The following GORASP2 variants were observed in gnomAD, a reference collection of about 807,000 sequenced individuals.
GORASP2 encodes the protein Golgi reassembly-stacking protein 2.
GORASP2 carries 22 observed loss-of-function variants against 45.7 expected under a neutral mutation model. The observed-to-expected ratio is 0.48, with a 90% CI of 0.34 to 0.69. The LOEUF (loss-of-function observed/expected upper bound fraction) is 0.69. GORASP2 is among the 30% of genes least tolerant of loss of function. The probability of loss-of-function intolerance (pLI) is 0.01; values close to 1 mark genes in which losing one functional copy is unlikely to be tolerated. For synonymous variants in GORASP2, 221 were observed against 215.6 expected (o/e 1.02, Z -0.22); for missense variants, 491 against 562.7 (o/e 0.87, Z 1.29).
intron 1 of GORASP2, among the ~76,000 whole-genome samples, chr2:170,941,635 T>C (rs970042684): frequency 6.6e-6 from 1 of 152,202 alleles, no homozygotes; most frequent in African/African-American, 2.4e-5. Flanking sequence ...AGGTACTCAT[T>C]TGTATCTGGC....
At position 170,965,899 on chromosome 2, in the gene GORASP2, T is replaced by C. The variant is rs145311095; in HGVS notation, c.1128T>C (p.Ser376=). ...TCCCCTTGGTTCCAGAGAGCTCTTCTGCAGCAAGCTCAGGAGAGCTGCTGT... is the reference window on the plus strand; with the variant it reads ...TCCCCTTGGTTCCAGAGAGCTCTTCCGCAGCAAGCTCAGGAGAGCTGCTGT... The part of the protein sequence containing the change: ...PSFPLVPESS[S]AASSGELLSS... Residue 376 remains serine, a synonymous_variant, in exon 10 of 10, where the codon TCT becomes TCC. Transcript: ENST00000234160. 3 of 1,613,866 alleles carry C rather than the reference T, an allele frequency of 1.9e-6. No individual in the cohort carries two copies. Among genetic ancestry groups the C allele is most frequent in the African/African-American group, 2.7e-5 (2 of 74,852 alleles).
intron 1 of GORASP2, among the ~76,000 whole-genome samples, chr2:170,945,247 G>A (rs1704156310): frequency 1.3e-5 from 2 of 152,096 alleles, no homozygotes; most frequent in Non-Finnish European, 2.9e-5. Flanking sequence ...GATCACTTGA[G>A]ACTAGGAGTT....
In GORASP2 at chr2:170,966,134, T is replaced by A. The variant is rs1704683758; in HGVS notation, c.*4T>A. The A allele has an allele frequency of 6.2e-7, 1 of 1,604,332 alleles. No individual in the cohort carries two copies. The highest frequency in any genetic ancestry group is 1.3e-5 in the African/African-American group (1 of 74,738). ...CAATGCTTCTGAGTCACCTTAACTT[T>A]GAACCATTCTTTGGAATTGGCGTGG... is the stretch of plus-strand genomic sequence containing the variant. On this transcript the variant is annotated 3_prime_UTR_variant, in exon 10 of 10. Transcript: ENST00000234160.
chr2:170,932,043 T>C (rs1040952928), intron 1 of GORASP2, among the ~76,000 whole-genome samples: 1 of 152,202 alleles, frequency 6.6e-6, no homozygotes, highest in Non-Finnish European at 1.5e-5. Flanking sequence ...CTGACCAACA[T>C]GGTGAAACCC....
intron 1 of GORASP2, among the ~76,000 whole-genome samples, chr2:170,938,164 T>C (rs1703997897): frequency 6.6e-6 from 1 of 152,268 alleles, no homozygotes; most frequent in South Asian, 2.1e-4. Flanking sequence ...AGATATTCCA[T>C]GTAAAGCACT....
rs368851791 is a variant in GORASP2, at chr2:170,946,888, C to T, written c.64-1462C>T. Among the ~76,000 whole-genome samples, 7 of 151,976 alleles carry T rather than the reference C, an allele frequency of 4.6e-5. No individual in the cohort carries two copies. In the East Asian group the frequency reaches 1.2e-3, roughly 25 times the overall value. ...CCGGGAGGTGGAGGTTGCAGTAAGCCGAGATTGTGTCACTGCACTCCAGCC... is the reference window on the plus strand; with the variant it reads ...CCGGGAGGTGGAGGTTGCAGTAAGCTGAGATTGTGTCACTGCACTCCAGCC... On this transcript the variant is annotated intron_variant, in intron 1 of 9. Transcript: ENST00000234160.
intron 4 of GORASP2, 139 bp downstream of exon 4, chr2:170,950,429 G>C (rs1704273839): frequency 2.0e-6 from 1 of 510,110 alleles, no homozygotes; most frequent in African/African-American, 2.0e-5. Context: ...AAGCCTCAGG[G>C]TGTTAAATGG....
intron 8 of GORASP2, among the ~76,000 whole-genome samples, chr2:170,962,317 T>C (rs763301206): frequency 8.5e-5 from 13 of 152,254 alleles, no homozygotes; most frequent in Non-Finnish European, 1.6e-4. Flanking sequence ...TATTAAGCCA[T>C]GAACCAAATG....
chr2:170,949,222 C>T (rs1042279089), intron 2 of GORASP2, among the ~76,000 whole-genome samples: 1 of 152,156 alleles, frequency 6.6e-6, no homozygotes, highest in East Asian at 1.9e-4. Flanking sequence ...ATCACAACTT[C>T]GTTAGTAATG....
intron 1 of GORASP2, among the ~76,000 whole-genome samples, chr2:170,943,244 G>GA: frequency 6.6e-6 from 1 of 151,982 alleles, no homozygotes; most frequent in African/African-American, 2.4e-5. Context: ...GGCAACATTT[G>GA]AAAAAATGGT....
rs539661057 is a variant in GORASP2 at position 170,943,713 on chromosome 2, C to T, written c.64-4637C>T. Among the ~76,000 whole-genome samples, 11 of 152,290 alleles carry T rather than the reference C, an allele frequency of 7.2e-5. No individual in the cohort carries two copies. The South Asian group carries it at 2.3e-3, about 32-fold the overall frequency. On this transcript the variant is annotated intron_variant, in intron 1 of 9. Coordinates refer to ENST00000234160, the MANE Select transcript of GORASP2 (RefSeq NM_015530.5). ...TGTGAGATGGAGCCTTGCTCTGTCG[C>T]CCAGGCTGAAGTGCAGTGGCGTGAT...
intron 3 of GORASP2, 63 bp downstream of exon 3, chr2:170,949,805 A>G (rs1357768632): frequency 2.3e-6 from 3 of 1,321,746 alleles, no homozygotes; most frequent in Non-Finnish European, 2.2e-6. Flanking sequence ...ATGTTTTAAC[A>G]ATGGTTGTTT....
In GORASP2 at chr2:170,936,494, A is replaced by C. The variant is rs568312458; in HGVS notation, c.63+7091A>C. On this transcript the variant is annotated intron_variant, in intron 1 of 9. Transcript: ENST00000234160. The stretch of plus-strand genomic sequence containing the variant: ...CTTGGCTTCCCAAAGTGTTGGGATT[A>C]CACTTATGAGCCACCACACCTAGTC... The C allele has an allele frequency of 4.5e-3, 1,931 of 427,382 alleles. 8 individuals are homozygous for C. Among genetic ancestry groups the C allele is most frequent in the Non-Finnish European group, 7.1e-3 (1,624 of 227,640 alleles). 26.5% of individuals were successfully genotyped at this position (427,382 alleles called of 1,614,324 possible).
At chr2:170,962,413 T>G (rs1044104115) in intron 8 of GORASP2, among the ~76,000 whole-genome samples, 1 of 152,210 alleles carries the variant, frequency 6.6e-6, no homozygotes, top group African/African-American at 2.4e-5. Context: ...TTTACTACTT[T>G]TGCAACTGTA....
chr2:170,956,444 G>A lies in GORASP2; in HGVS notation c.708G>A (p.Leu236=). The A allele has an allele frequency of 1.9e-6, 3 of 1,609,732 alleles. No individual in the cohort carries two copies. In the African/African-American group the frequency reaches 4.0e-5, roughly 22 times the overall value. Residue 236 remains leucine (L), a synonymous_variant, in exon 7 of 10, where the codon CTG becomes CTA. Transcript: ENST00000234160. ...TTTTCTTTTTTTGGAAGGTCCAGCTGTCCTCAGTTAATCCCCCGTCTTTGT... is the reference window on the plus strand; with the variant it reads ...TTTTCTTTTTTTGGAAGGTCCAGCTATCCTCAGTTAATCCCCCGTCTTTGT... ...PLKDGFTEVQ[L]SSVNPPSLSP... is the part of the protein sequence containing the mutation.
At chr2:170,962,152 C>T (rs1243815044) in intron 8 of GORASP2, among the ~76,000 whole-genome samples, 1 of 152,214 alleles carries the variant, frequency 6.6e-6, no homozygotes, top group African/African-American at 2.4e-5. Flanking sequence ...GTAGCTCTAA[C>T]ATTAAATTAA....
At chr2:170,963,473 CCCT>C (rs947340628) in intron 9 of GORASP2, among the ~76,000 whole-genome samples, 3 of 127,572 alleles carry the variant, frequency 2.4e-5, no homozygotes, top group Non-Finnish European at 1.7e-5. Context: ...CTCCTCCTCC[CCCT>C]CCTCCTCCTC....
Position 170,961,707 on chromosome 2 carries a change from C to G in GORASP2, c.868C>G (p.Leu290Val). The G allele has an allele frequency of 6.2e-7, 1 of 1,602,652 alleles. No homozygotes were observed. ...ATTGCCACCACAAGTAAACCAGTCC[C>G]TCACTTCTGTGCCACCAATGAATCC... ...PLLPPQVNQS[L>V]TSVPPMNPAT... The change falls in exon 8 of 10, where the codon CTC becomes GTC. Residue 290 changes from leucine to valine, a missense_variant. Leu to Val is a conservative substitution (Grantham distance 32). Transcript: ENST00000234160.
At position 170,948,449 on chromosome 2, in the gene GORASP2, A is replaced by G. The variant is rs1047950783; in HGVS notation, c.144+19A>G. On this transcript the variant is annotated intron_variant, in intron 2 of 9. Transcript: ENST00000234160. Reference sequence around the variant, plus strand: ...AAGATTAGTAAGTTCAACTTTCTGTAGTTTTGTCTATAGTATTTGTAATCT... The same window carrying G: ...AAGATTAGTAAGTTCAACTTTCTGTGGTTTTGTCTATAGTATTTGTAATCT... 4.6e-6 allele frequency: 6 copies of G among 1,292,486 alleles called. No individual in the cohort carries two copies. The highest frequency in any genetic ancestry group is 2.5e-5 in the South Asian group (2 of 80,896). The allele number at this position is 1,292,486 out of a possible 1,614,324, so 80.1% of individuals were successfully genotyped here. A position where few individuals can be genotyped will look rare whatever the true frequency, so the allele number is the denominator to read the frequency against.
Sources: allele counts gnomAD v4.1 joint callset (sites outside exome capture counted in the v4.1 genomes callset), GRCh38; gene constraint gnomAD v4.1.1; transcripts MANE v1.5; gene names NCBI Gene and HGNC (gene_info 2026-07-23, HGNC 2026-07-21).